Variants in PTPRD observed in about 807,000 individuals in gnomAD.
PTPRD encodes the protein receptor-type tyrosine-protein phosphatase delta.
PTPRD carries 34 observed loss-of-function variants against 214.5 expected under a neutral mutation model. That is an observed-to-expected ratio of 0.16 (90% CI 0.12 to 0.21). The LOEUF is 0.21. Among genes scored for constraint, PTPRD ranks in the 10% least tolerant of loss-of-function variants. The pLI is 1.00. For missense variants in PTPRD, 2,545 were observed against 2,398.7 expected (o/e 1.06, Z -1.27); for synonymous variants, 1,128 against 845.7 (o/e 1.33, Z -5.79).
intron 2 of PTPRD, among the ~76,000 whole-genome samples, chr9:10,486,497 G>T (rs1033221236): frequency 4.6e-5 from 7 of 152,090 alleles, no homozygotes; most frequent in Non-Finnish European, 7.4e-5. Context: ...TTGTAGATGT[G>T]TGGTGTTATT....
At chr9:10,158,793 AG>A (rs2099109643) in intron 3 of PTPRD, among the ~76,000 whole-genome samples, 1 of 152,196 alleles carries the variant, frequency 6.6e-6, no homozygotes, top group South Asian at 2.1e-4. Context: ...CAGCCTCCTC[AG>A]TACCTCAGGT....
intron 5 of PTPRD, among the ~76,000 whole-genome samples, chr9:9,858,359 T>C (rs527851980): frequency 1.3e-5 from 2 of 152,142 alleles, no homozygotes; most frequent in Non-Finnish European, 2.9e-5. Flanking sequence ...TTCCAGAAAA[T>C]AGTGCCTGTG....
intron 3 of PTPRD, among the ~76,000 whole-genome samples, chr9:10,252,656 T>C (rs771994931): frequency 2.6e-5 from 4 of 152,172 alleles, no homozygotes; most frequent in Non-Finnish European, 5.9e-5. Context: ...ATTTGTTACA[T>C]AGCGATAGAT....
At chr9:9,420,823 G>A (rs1033797566) in intron 8 of PTPRD, among the ~76,000 whole-genome samples, 1 of 151,770 alleles carries the variant, frequency 6.6e-6, no homozygotes, top group Non-Finnish European at 1.5e-5. Context: ...AAATAGCAGT[G>A]ATTTCACTTA....
chr9:9,559,447 C>T (rs964834040), intron 8 of PTPRD, among the ~76,000 whole-genome samples: 5 of 152,224 alleles, frequency 3.3e-5, no homozygotes, highest in Non-Finnish European at 7.3e-5. Context: ...CTAGCCAAAA[C>T]TATCTGTGGT....
intron 8 of PTPRD, among the ~76,000 whole-genome samples, chr9:9,418,067 T>C (rs1408530556): frequency 6.6e-6 from 1 of 152,096 alleles, no homozygotes; most frequent in Non-Finnish European, 1.5e-5. Flanking sequence ...AGCTTTTGTT[T>C]ATCCTTTCTC....
intron 3 of PTPRD, among the ~76,000 whole-genome samples, chr9:10,202,309 A>AC (rs1461872676): frequency 1.3e-5 from 2 of 151,856 alleles, no homozygotes; most frequent in Non-Finnish European, 2.9e-5. Context: ...GAGCCCCCCC[A>AC]CAACCAGGAG....
At chr9:8,997,395 C>T (rs976777891) in intron 11 of PTPRD, among the ~76,000 whole-genome samples, 3 of 152,058 alleles carry the variant, frequency 2.0e-5, no homozygotes, top group Admixed American at 1.3e-4. Flanking sequence ...ATATTTCAAA[C>T]TCTTTCATTA....
chr9:10,056,320 C>CA (rs35142087), intron 3 of PTPRD, among the ~76,000 whole-genome samples: 31,441 of 126,814 alleles, frequency 0.25, 4,112 homozygotes, highest in East Asian at 0.53. Flanking sequence ...GACTCCATCT[C>CA]AAAAAAAAAA....
At chr9:9,171,058 A>C (rs1554902746) in intron 10 of PTPRD, among the ~76,000 whole-genome samples, 1 of 152,212 alleles carries the variant, frequency 6.6e-6, no homozygotes, top group Non-Finnish European at 1.5e-5. Flanking sequence ...CCAGGGCAGC[A>C]GTACCATGTT....
chr9:9,338,640 A>C (rs2045551586), intron 9 of PTPRD, among the ~76,000 whole-genome samples: 1 of 152,128 alleles, frequency 6.6e-6, no homozygotes, highest in African/African-American at 2.4e-5. Flanking sequence ...AAAATTTTTA[A>C]AATCTAAAGC....
At chr9:9,675,999 T>TCTCA (rs1440848124) in intron 7 of PTPRD, among the ~76,000 whole-genome samples, 1 of 152,056 alleles carries the variant, frequency 6.6e-6, no homozygotes, top group Non-Finnish European at 1.5e-5. Context: ...TTGCAAGGGT[T>TCTCA]CTGTAGCACT....
chr9:10,065,402 A>G (rs1050650599), intron 3 of PTPRD, among the ~76,000 whole-genome samples: 5 of 151,854 alleles, frequency 3.3e-5, no homozygotes, highest in African/African-American at 1.2e-4. Flanking sequence ...TTGTGGTCAG[A>G]TGGCTTTACT....
chr9:9,266,614 T>C (rs1436873056), intron 9 of PTPRD, among the ~76,000 whole-genome samples: 1 of 149,026 alleles, frequency 6.7e-6, no homozygotes, highest in African/African-American at 2.5e-5. Context: ...GAATAAGTGG[T>C]ATAAATAAGT....
At chr9:10,512,030 G>A (rs866767145) in intron 2 of PTPRD, among the ~76,000 whole-genome samples, 63 of 82,472 alleles carry the variant, frequency 7.6e-4, no homozygotes, top group African/African-American at 1.2e-3. Context: ...ATATATATAT[G>A]TATATATATA....
intron 14 of PTPRD, among the ~76,000 whole-genome samples, chr9:8,617,481 A>G (rs1453162397): frequency 1.3e-5 from 2 of 152,132 alleles, no homozygotes; most frequent in African/African-American, 2.4e-5. Flanking sequence ...TACAATCAAC[A>G]TCAGATATGT....
intron 8 of PTPRD, among the ~76,000 whole-genome samples, chr9:9,474,289 C>G (rs752093429): frequency 4.6e-5 from 7 of 151,964 alleles, no homozygotes; most frequent in Non-Finnish European, 7.4e-5. Flanking sequence ...TTTCTGATTT[C>G]TGTATTCTTT....
intron 12 of PTPRD, among the ~76,000 whole-genome samples, chr9:8,687,225 A>C (rs2097698750): frequency 6.6e-6 from 1 of 152,316 alleles, no homozygotes; most frequent in Admixed American, 6.5e-5. Flanking sequence ...AATCAGAAAA[A>C]AAAACAAGCT....
chr9:9,277,039 T>A (rs1187563528), intron 9 of PTPRD, among the ~76,000 whole-genome samples: 1 of 151,382 alleles, frequency 6.6e-6, no homozygotes, highest in Non-Finnish European at 1.5e-5. Flanking sequence ...CACTACTGTA[T>A]CTAGTACATG....
Sources: allele counts gnomAD v4.1 joint callset (sites outside exome capture counted in the v4.1 genomes callset), GRCh38; gene constraint gnomAD v4.1.1; transcripts MANE v1.5; gene names NCBI Gene and HGNC (gene_info 2026-07-23, HGNC 2026-07-21).